Variants in ATP1B1 observed in about 807,000 individuals in gnomAD.
ATP1B1 encodes the protein sodium/potassium-transporting ATPase subunit beta-1.
ATP1B1 carries 3 observed loss-of-function variants against 39.6 expected under a neutral mutation model. The ratio of observed to expected loss-of-function variants is 0.08; its 90% CI spans 0.03 to 0.20. ATP1B1 has a LOEUF of 0.20. ATP1B1 is among the 10% of genes least tolerant of loss of function. The pLI is 1.00. For missense variants in ATP1B1, 216 were observed against 371.1 expected (o/e 0.58, Z 3.43); for synonymous variants, 139 against 135.0 (o/e 1.03, Z -0.20).
intron 1 of ATP1B1, chr1:169,108,014 G>T (rs1424760838): frequency 6.6e-6 from 1 of 152,080 alleles, no homozygotes; most frequent in East Asian, 1.9e-4. Context: ...GTGGGAATCG[G>T]CAGGAGAATG....
intron 2 of ATP1B1, among the ~76,000 whole-genome samples, chr1:169,114,959 C>T (rs542397772): frequency 1.4e-4 from 22 of 151,816 alleles, no homozygotes; most frequent in African/African-American, 5.3e-4. Flanking sequence ...CCGAGGCAGG[C>T]GGATCATGAG....
At chr1:169,118,760 A>G (rs560492724) in intron 2 of ATP1B1, among the ~76,000 whole-genome samples, 1 of 152,284 alleles carries the variant, frequency 6.6e-6, no homozygotes, top group South Asian at 2.1e-4. Context: ...CGGAATGTAT[A>G]GGAGACACAT....
chr1:169,120,772 G>A lies in ATP1B1; in HGVS notation c.227-4112G>A, dbSNP rs541098050. 5.9e-5 allele frequency among the ~76,000 whole-genome samples: 9 copies of A among 152,302 alleles called. No individual in the cohort carries two copies. The East Asian group carries it at 1.5e-3, about 26-fold the overall frequency. On this transcript the variant is annotated intron_variant, in intron 2 of 5. Coordinates refer to ENST00000367815, the MANE Select transcript of ATP1B1 (RefSeq NM_001677.4). ...TTTGGGCTTTCAGGTTGAAAGGGAT[G>A]TGATTCCATTACTTGGTTTTCATTA...
At chr1:169,110,574 T>C in intron 1 of ATP1B1, 1 of 945,388 alleles carries the variant, frequency 1.1e-6, no homozygotes. Context: ...AGTCTTTTTT[T>C]TTTTTTTTTT....
At chr1:169,124,334 GA>G (rs745334749) in intron 2 of ATP1B1, among the ~76,000 whole-genome samples, 22 of 152,304 alleles carry the variant, frequency 1.4e-4, no homozygotes, top group Admixed American at 1.3e-3. Flanking sequence ...AAGATCCAAA[GA>G]AATATCTTGG....
intron 2 of ATP1B1, among the ~76,000 whole-genome samples, chr1:169,122,770 TAA>T (rs1658007680): frequency 1.1e-3 from 112 of 101,314 alleles, no homozygotes; most frequent in Non-Finnish European, 1.5e-3. Context: ...TTTTTTTTTT[TAA>T]TTGCGATAGA....
In ATP1B1 at chr1:169,111,357, G is replaced by T. The variant is rs368611507; in HGVS notation, c.98-13G>T. 1 of 1,613,574 alleles carries T rather than the reference G, an allele frequency of 6.2e-7. No individual in the cohort carries two copies. Among genetic ancestry groups the T allele is most frequent in the Non-Finnish European group, 8.5e-7 (1 of 1,179,868 alleles). ...GACTGCATCACAGCTTTTTGTTTCT[G>T]TTCTTCTTGCAGTTAAGATCCTTCT... On this transcript the variant is annotated splice_polypyrimidine_tract_variant and intron_variant, in intron 1 of 5. Transcript: ENST00000367815.
rs185152399 is a variant in ATP1B1 at position 169,112,934 on chromosome 1, T to G, written c.226+1436T>G. 2.0e-5 allele frequency among the ~76,000 whole-genome samples: 3 copies of G among 152,266 alleles called. No individual in the cohort carries two copies. In the East Asian group the frequency reaches 5.8e-4, roughly 29 times the overall value. Reference sequence around the variant, plus strand: ...GTTGGGTATGGTGATAGGGAAGCATTGTGTCTTTTCATGTCCTCTTCTGCT... The same window carrying G: ...GTTGGGTATGGTGATAGGGAAGCATGGTGTCTTTTCATGTCCTCTTCTGCT... On this transcript the variant is annotated intron_variant, in intron 2 of 5. Transcript: ENST00000367815.
chr1:169,130,143 G>T, intron 5 of ATP1B1, 53 bp downstream of exon 5: 2 of 1,485,468 alleles, frequency 1.3e-6, no homozygotes, highest in South Asian at 1.2e-5. Context: ...CAGAGGAAGA[G>T]GGGAGAATGA....
chr1:169,113,201 G>A (rs1200141), intron 2 of ATP1B1, among the ~76,000 whole-genome samples: 1,904 of 152,052 alleles, frequency 0.013, 43 homozygotes, highest in African/African-American at 0.044. Flanking sequence ...AAATAGCTGG[G>A]ATTATAGGCA....
intron 2 of ATP1B1, among the ~76,000 whole-genome samples, chr1:169,123,583 C>CAA (rs1658028165): frequency 1.3e-5 from 1 of 77,362 alleles, no homozygotes; most frequent in African/African-American, 3.9e-5. Context: ...ATATCTCTCT[C>CAA]TCTATATATA....
At chr1:169,117,484 T>C (rs1389524827) in intron 2 of ATP1B1, among the ~76,000 whole-genome samples, 1 of 152,186 alleles carries the variant, frequency 6.6e-6, no homozygotes, top group East Asian at 1.9e-4. Context: ...AAACAGATCT[T>C]ACATTGTATG....
chr1:169,118,325 G>T (rs1467940792), intron 2 of ATP1B1, among the ~76,000 whole-genome samples: 1 of 152,194 alleles, frequency 6.6e-6, no homozygotes, highest in Non-Finnish European at 1.5e-5. Flanking sequence ...ACAGTCCGGG[G>T]ATTCAGTTTT....
chr1:169,117,751 T>G (rs1408426891), intron 2 of ATP1B1, among the ~76,000 whole-genome samples: 1 of 152,232 alleles, frequency 6.6e-6, no homozygotes, highest in African/African-American at 2.4e-5. Context: ...GCTCTCATGC[T>G]AGTAATCTGA....
In ATP1B1 at chr1:169,131,447, G is replaced by T. The variant is rs761884207; in HGVS notation, c.804G>T (p.Met268Ile). 3.7e-6 allele frequency: 6 copies of T among 1,614,104 alleles called. No homozygotes were observed. In the East Asian group the frequency reaches 1.3e-4, roughly 36 times the overall value. The change falls in exon 6 of 6, where the codon ATG (methionine) becomes ATT (isoleucine). Residue 268 changes from methionine (M) to isoleucine (I), a missense_variant. Transcript: ENST00000367815. This position sits in a 1 kb window ranked among gnomAD's most constrained non-coding sequence, Gnocchi z 4.4. ...LLAVQFTNLT[M>I]DTEIRIECKA... The stretch of plus-strand genomic sequence containing the variant: ...CCGTACAGTTCACCAATCTTACCAT[G>T]GACACTGAAATTCGCATAGAGTGTA...
chr1:169,109,699 A>G (rs903221406), intron 1 of ATP1B1, among the ~76,000 whole-genome samples: 5 of 147,374 alleles, frequency 3.4e-5, no homozygotes, highest in African/African-American at 1.2e-4. Flanking sequence ...TCTGGAGTCC[A>G]GGGAATGAGT....
intron 1 of ATP1B1, 86 bp downstream of exon 1, chr1:169,107,012 C>T (rs956769261): frequency 2.3e-6 from 3 of 1,292,866 alleles, no homozygotes; most frequent in Non-Finnish European, 3.2e-6. Flanking sequence ...CGGCCGGTTC[C>T]GCACCCACCG....
In ATP1B1 at chr1:169,106,741, C is replaced by G; in HGVS notation, c.-89C>G. On this transcript the variant is annotated 5_prime_UTR_variant, in exon 1 of 6. Coordinates refer to ENST00000367815, the MANE Select transcript of ATP1B1 (RefSeq NM_001677.4). ...GCGTCCTGCCTGCAGAGAGCCAGGC[C>G]GGAGAAGCCGAGCGGCGCAGAGGAC... is the stretch of plus-strand genomic sequence containing the variant. The G allele has an allele frequency of 2.8e-6, 3 of 1,070,376 alleles. No individual in the cohort carries two copies. Among genetic ancestry groups the G allele is most frequent in the Non-Finnish European group, 3.9e-6 (3 of 768,962 alleles). 66.3% of individuals were successfully genotyped at this position (1,070,376 alleles called of 1,614,324 possible).
intron 2 of ATP1B1, among the ~76,000 whole-genome samples, chr1:169,113,785 A>T (rs1237848093): frequency 6.6e-6 from 1 of 152,184 alleles, no homozygotes; most frequent in Non-Finnish European, 1.5e-5. Flanking sequence ...CTGGTGGCTC[A>T]TCTTGGAAAA....
Sources: allele counts gnomAD v4.1 joint callset (sites outside exome capture counted in the v4.1 genomes callset), GRCh38; gene constraint gnomAD v4.1.1; non-coding constraint Gnocchi (gnomAD v3.1); transcripts MANE v1.5; gene names NCBI Gene and HGNC (gene_info 2026-07-23, HGNC 2026-07-21).